The following ZEB2 variants were observed in gnomAD, a reference collection of about 807,000 sequenced individuals.
The protein encoded by ZEB2 is zinc finger E-box-binding homeobox 2.
Under a neutral mutation model 99.9 loss-of-function variants are expected in ZEB2, and 6 were observed. The ratio of observed to expected loss-of-function variants is 0.06; its 90% CI spans 0.03 to 0.12. The LOEUF (loss-of-function observed/expected upper bound fraction) is 0.12, where lower values mean the gene tolerates loss of function less well. ZEB2 is among the 10% of genes least tolerant of loss of function. The pLI, the probability that ZEB2 is intolerant of heterozygous loss-of-function variation, is 1.00. For missense variants in ZEB2, 969 were observed against 1,502.8 expected (o/e 0.64, Z 5.87); for synonymous variants, 517 against 542.5 (o/e 0.95, Z 0.65).
intron 4 of ZEB2, among the ~76,000 whole-genome samples, chr2:144,423,250 G>A (rs769644165): frequency 6.6e-6 from 1 of 152,124 alleles, no homozygotes; most frequent in Non-Finnish European, 1.5e-5. Context: ...GACACTTTAA[G>A]TGCTTATAAG....
chr2:144,461,658 A>G (rs762288447), intron 2 of ZEB2: 11 of 152,182 alleles, frequency 7.2e-5, no homozygotes, highest in Admixed American at 7.2e-4. Flanking sequence ...CGATCACACA[A>G]TGGAAAGAGG....
Position 144,399,290 on chromosome 2 carries a change from C to A in ZEB2, c.1897G>T (p.Ala633Ser), listed in dbSNP as rs2149876991. Reference protein sequence around the residue: ...NKAGVFVDNKALLLSSVLSEK... With the variant: ...NKAGVFVDNKSLLLSSVLSEK... Reference sequence around the variant, plus strand: ...GAAAGTACAGATGACAAGAGGAGGGCTTTATTATCAACAAAAACTCCGGCT... The same window carrying A: ...GAAAGTACAGATGACAAGAGGAGGGATTTATTATCAACAAAAACTCCGGCT... The change falls in exon 8 of 10, where the codon GCC (alanine) becomes TCC (serine). Residue 633 changes from alanine to serine, a missense_variant. By Grantham distance (99) the Ala-to-Ser change is moderately conservative (BLOSUM62 1). This residue lies in a region of ZEB2 where 346 missense variants were observed against 460.0 expected (regional missense o/e 0.75). Transcript: ENST00000627532. This position sits in a 1 kb window ranked among gnomAD's most constrained non-coding sequence, Gnocchi z 5.6. 1 of 1,614,068 alleles carries A rather than the reference C, an allele frequency of 6.2e-7. No homozygotes were observed. The highest frequency in any genetic ancestry group is 1.7e-5 in the Admixed American group (1 of 60,000).
intron 2 of ZEB2, among the ~76,000 whole-genome samples, chr2:144,447,587 C>T (rs1250220084): frequency 6.6e-6 from 1 of 152,154 alleles, no homozygotes; most frequent in African/African-American, 2.4e-5. Flanking sequence ...CCCAACTTAT[C>T]TTCAATTAAA....
intron 2 of ZEB2, chr2:144,448,841 C>G (rs1704019641): frequency 6.6e-6 from 1 of 152,348 alleles, no homozygotes; most frequent in African/African-American, 2.4e-5. Flanking sequence ...GCAATGCCAG[C>G]AAGCCACAGG....
rs1704651563 is a variant in ZEB2 at position 144,489,873 on chromosome 2, A to C, written c.73+27405T>G. Among the ~76,000 whole-genome samples the C allele has an allele frequency of 2.0e-5, 3 of 152,232 alleles. No individual in the cohort carries two copies. The South Asian group carries it at 6.2e-4, about 32-fold the overall frequency. On this transcript the variant is annotated intron_variant, in intron 2 of 9. Coordinates refer to ENST00000627532, the MANE Select transcript of ZEB2 (RefSeq NM_014795.4). ...GAACCATTTTGATTTGGTGCAAGGA[A>C]ATCTTTTCAGGACTGATGGCAACAG...
rs1704807973 is a variant in ZEB2, at chr2:144,498,050, T to TAC, written c.73+19227_73+19228insGT. Among the ~76,000 whole-genome samples the TAC allele has an allele frequency of 5.6e-5, 4 of 71,498 alleles. 1 individual carries two copies. Among genetic ancestry groups the TAC allele is most frequent in the Non-Finnish European group, 1.0e-4 (4 of 38,876 alleles). The allele number at this position is 71,498 out of a possible 152,430, so 46.9% of individuals were successfully genotyped here. A position where few individuals can be genotyped will look rare whatever the true frequency, so the allele number is the denominator to read the frequency against. On this transcript the variant is annotated intron_variant, in intron 2 of 9. Coordinates refer to ENST00000627532, the MANE Select transcript of ZEB2 (RefSeq NM_014795.4). The stretch of plus-strand genomic sequence containing the variant: ...TTATATAATATATATTAATATTATA[T>TAC]ATTATATAATATATATTAATATTAT...
At chr2:144,436,803 C>T (rs1456335488) in intron 2 of ZEB2, among the ~76,000 whole-genome samples, 2 of 152,068 alleles carry the variant, frequency 1.3e-5, no homozygotes, top group Non-Finnish European at 1.5e-5. Context: ...AGAATAAAAG[C>T]AAGGACCCTC....
At chr2:144,482,352 C>T (rs1446653817) in intron 2 of ZEB2, 1 of 152,226 alleles carries the variant, frequency 6.6e-6, no homozygotes, top group Non-Finnish European at 1.5e-5. Flanking sequence ...ACTTTCCACC[C>T]ATGCCTTCTT....
chr2:144,461,677 G>T (rs879721235), intron 2 of ZEB2: 42 of 152,204 alleles, frequency 2.8e-4, no homozygotes, highest in African/African-American at 9.9e-4. Context: ...GGAAAGACAT[G>T]TCACTTCCAT....
At chr2:144,419,329 T>C (rs1419990213) in intron 4 of ZEB2, among the ~76,000 whole-genome samples, 1 of 152,264 alleles carries the variant, frequency 6.6e-6, no homozygotes, top group African/African-American at 2.4e-5. Context: ...GATTAAGAAC[T>C]GATGCCTAAA....
chr2:144,509,224 C>A (rs1021512279), intron 2 of ZEB2, among the ~76,000 whole-genome samples: 12 of 152,298 alleles, frequency 7.9e-5, no homozygotes, highest in African/African-American at 2.6e-4. Context: ...AGGTTAATAT[C>A]ACAGCTGCCT....
intron 2 of ZEB2, among the ~76,000 whole-genome samples, chr2:144,473,952 A>C (rs1704395195): frequency 6.6e-6 from 1 of 152,150 alleles, no homozygotes; most frequent in Non-Finnish European, 1.5e-5. Context: ...CTAATGATTC[A>C]TCCGGTTTTC....
intron 4 of ZEB2, among the ~76,000 whole-genome samples, chr2:144,423,382 A>T (rs1703646306): frequency 1.3e-5 from 2 of 152,206 alleles, no homozygotes; most frequent in Non-Finnish European, 2.9e-5. Flanking sequence ...CTAATTCATG[A>T]TATCGCTTTA....
chr2:144,409,325 ATGTT>A (rs1433320953), intron 4 of ZEB2, among the ~76,000 whole-genome samples: 2 of 152,152 alleles, frequency 1.3e-5, no homozygotes, highest in Non-Finnish European at 2.9e-5. Context: ...GAAAGTTTGT[ATGTT>A]TGTTTTTAGA....
chr2:144,436,997 T>A (rs1276549929), intron 2 of ZEB2, among the ~76,000 whole-genome samples: 2 of 152,196 alleles, frequency 1.3e-5, no homozygotes, highest in Non-Finnish European at 2.9e-5. Context: ...TTCCTGTATA[T>A]CTAGGACTCA....
chr2:144,490,039 G>A (rs1461350437), intron 2 of ZEB2, among the ~76,000 whole-genome samples: 1 of 152,106 alleles, frequency 6.6e-6, no homozygotes, highest in African/African-American at 2.4e-5. Flanking sequence ...TTATTTGGGG[G>A]AATTACTAAA....
At chr2:144,494,921 G>GA (rs1289526274) in intron 2 of ZEB2, 1 of 151,656 alleles carries the variant, frequency 6.6e-6, no homozygotes, top group Admixed American at 6.6e-5. Context: ...CCTTTACTCA[G>GA]AAAAAGAAAA....
intron 2 of ZEB2, chr2:144,511,827 T>G: frequency 7.8e-7 from 1 of 1,287,202 alleles, no homozygotes; most frequent in South Asian, 1.2e-5. Flanking sequence ...AGGGCTATAT[T>G]TATTGGTTTA....
chr2:144,405,401 C>CT (rs1459494232), intron 4 of ZEB2: 9 of 222,894 alleles, frequency 4.0e-5, no homozygotes, highest in Middle Eastern at 1.8e-3. Context: ...TTTTAATAGT[C>CT]TATCTGAAAT....
Sources: gnomAD v4.1 joint callset for allele counts (sites outside exome capture counted in the v4.1 genomes callset) on GRCh38, gnomAD v4.1.1 for gene constraint, gnomAD v4.1.1 regional missense constraint, Gnocchi (gnomAD v3.1) non-coding constraint, MANE v1.5 for transcripts, NCBI Gene and HGNC (gene_info 2026-07-23, HGNC 2026-07-21) for gene names.